The following TTC13 variants were observed in gnomAD, a reference collection of about 807,000 sequenced individuals.
The protein encoded by TTC13 is tetratricopeptide repeat protein 13.
A neutral mutation model predicts 120.0 loss-of-function variants in TTC13; 62 were observed. The ratio of observed to expected loss-of-function variants is 0.52; its 90% CI spans 0.42 to 0.64. The LOEUF (loss-of-function observed/expected upper bound fraction) is 0.64. TTC13 is among the 30% of genes least tolerant of loss of function. The pLI, the probability that TTC13 is intolerant of heterozygous loss-of-function variation, is 0.00. For missense variants in TTC13, 824 were observed against 1,050.2 expected (o/e 0.78, Z 2.98); for synonymous variants, 384 against 393.5 (o/e 0.98, Z 0.28).
chr1:230,966,909 C>T (rs1412026591), intron 1 of TTC13, among the ~76,000 whole-genome samples: 4 of 152,114 alleles, frequency 2.6e-5, no homozygotes, highest in African/African-American at 9.7e-5. Context: ...AGTCTGTGCT[C>T]TTAGCCATGA....
intron 19 of TTC13, among the ~76,000 whole-genome samples, chr1:230,911,827 T>C (rs1393027459): frequency 1.3e-5 from 2 of 152,218 alleles, no homozygotes; most frequent in Non-Finnish European, 2.9e-5. Context: ...TTATTTGAAA[T>C]GTCAAAATAT....
At chr1:230,914,418 A>G (rs2102751584) in intron 18 of TTC13, among the ~76,000 whole-genome samples, 1 of 151,906 alleles carries the variant, frequency 6.6e-6, no homozygotes, top group South Asian at 2.1e-4. Context: ...TCTTTTTGAG[A>G]TGGAGTTCAC....
At chr1:230,976,581 G>A (rs1678331256) in intron 1 of TTC13, among the ~76,000 whole-genome samples, 1 of 152,194 alleles carries the variant, frequency 6.6e-6, no homozygotes, top group Non-Finnish European at 1.5e-5. Flanking sequence ...TTTAGCACCT[G>A]TTGGTAGCTA....
rs1213230679 is a variant in TTC13 at position 230,944,473 on chromosome 1, T to C, written c.580-575A>G. 6.6e-6 allele frequency among the ~76,000 whole-genome samples: 1 copy of C among 152,176 alleles called. No homozygotes were observed. Among genetic ancestry groups the C allele is most frequent in the Non-Finnish European group, 1.5e-5 (1 of 68,032 alleles). ...AAGAGGCAGCTCTGAACTTTACTAC[T>C]GCAACTTCAACCTGGTCATTCATTG... On this transcript the variant is annotated intron_variant, in intron 5 of 22. Coordinates refer to ENST00000366661, the MANE Select transcript of TTC13 (RefSeq NM_024525.5). This position sits in a 1 kb window ranked among gnomAD's most constrained non-coding sequence, Gnocchi z 4.0.
At chr1:230,923,689 C>T (rs139119875) in intron 15 of TTC13, 152 bp downstream of exon 15, 80 of 585,678 alleles carry the variant, frequency 1.4e-4, no homozygotes, top group African/African-American at 1.3e-3. Flanking sequence ...GAAAGGAATG[C>T]AGGCAGGACT....
At position 230,965,228 on chromosome 1, in the gene TTC13, C is replaced by T. The variant is rs576745312; in HGVS notation, c.272-3925G>A. Among the ~76,000 whole-genome samples the T allele has an allele frequency of 8.3e-4, 126 of 152,304 alleles. 1 individual carries two copies. In the Middle Eastern group the frequency reaches 0.01, roughly 12 times the overall value. ...GATAAAATATTTGCAAACTACCCCT[C>T]TGACAAGCGATTAGTAACCAGAATA... On this transcript the variant is annotated intron_variant, in intron 1 of 22. Transcript: ENST00000366661.
intron 19 of TTC13, among the ~76,000 whole-genome samples, chr1:230,911,975 G>T (rs985424087): frequency 3.9e-5 from 6 of 152,188 alleles, no homozygotes; most frequent in African/African-American, 1.4e-4. Context: ...TCAATTATGT[G>T]TATAAACTTA....
rs1328958979 is a variant in TTC13, at chr1:230,954,320, G to T, written c.513+13C>A. On this transcript the variant is annotated intron_variant, in intron 4 of 22. Transcript: ENST00000366661. ...CATAAACTCAAAATTACATAAATAA[G>T]AAGAAAATTTACCTGAAGCATTGTT... is the stretch of plus-strand genomic sequence containing the variant. 1 of 1,602,900 alleles carries T rather than the reference G, an allele frequency of 6.2e-7. No individual in the cohort carries two copies. Among genetic ancestry groups the T allele is most frequent in the South Asian group, 1.1e-5 (1 of 89,858 alleles).
intron 9 of TTC13, among the ~76,000 whole-genome samples, chr1:230,933,531 T>A (rs1365496150): frequency 5.3e-5 from 8 of 152,210 alleles, no homozygotes; most frequent in African/African-American, 1.4e-4. Context: ...CCTTGAAGGA[T>A]GAACGTTTTC....
chr1:230,924,548 G>A (rs545561313), intron 14 of TTC13, among the ~76,000 whole-genome samples: 2 of 152,334 alleles, frequency 1.3e-5, no homozygotes, highest in Admixed American at 6.5e-5. Context: ...TAGCCAGAAT[G>A]GTCTCGATCT....
At chr1:230,911,698 A>G (rs1019043699) in intron 19 of TTC13, 149 bp from the exon 20 acceptor site, 2 of 526,400 alleles carry the variant, frequency 3.8e-6, no homozygotes, top group Admixed American at 4.0e-5. Context: ...ATTCTTGAAT[A>G]TTCTATACCC....
intron 1 of TTC13, among the ~76,000 whole-genome samples, chr1:230,975,732 G>A (rs746919403): frequency 7.9e-5 from 12 of 152,030 alleles, no homozygotes; most frequent in Non-Finnish European, 1.8e-4. Context: ...TATTAAGGGC[G>A]GATCAGGAAA....
intron 8 of TTC13, among the ~76,000 whole-genome samples, chr1:230,935,547 C>T (rs2102856891): frequency 1.3e-5 from 2 of 152,170 alleles, no homozygotes; most frequent in East Asian, 3.9e-4. Context: ...GCACAGATCA[C>T]TCAGAAATGG....
intron 20 of TTC13, 53 bp from the exon 21 acceptor site, chr1:230,909,073 A>G: frequency 2.7e-6 from 4 of 1,464,802 alleles, no homozygotes; most frequent in Non-Finnish European, 3.8e-6. Flanking sequence ...TACAGTTACC[A>G]TGTTAAATTT....
Position 230,943,821 on chromosome 1 carries a change from A to T in TTC13, c.657T>A (p.Phe219Leu), listed in dbSNP as rs1323756723. 1 of 1,608,662 alleles carries T rather than the reference A, an allele frequency of 6.2e-7. No homozygotes were observed. The change falls in exon 6 of 23, where the codon TTT (phenylalanine) becomes TTA (leucine). Residue 219 changes from phenylalanine (F) to leucine (L), a missense_variant. Around this residue, in one of 4 missense-constraint regions of TTC13, gnomAD observed 430 missense variants for 626.8 expected, o/e 0.69. Coordinates refer to ENST00000366661, the MANE Select transcript of TTC13 (RefSeq NM_024525.5). ...CCACACTCACTTCTGCTCGCTGCTCAAATACCTCTGGACGATCTGGTTCCA... is the reference window on the plus strand; with the variant it reads ...CCACACTCACTTCTGCTCGCTGCTCTAATACCTCTGGACGATCTGGTTCCA... ...ITLEPDRPEV[F>L]EQRAEILSPL... is the part of the protein sequence containing the mutation.
At position 230,911,496 on chromosome 1, in the gene TTC13, A is replaced by G; in HGVS notation, c.2283T>C (p.Asn761=). 6.2e-7 allele frequency: 1 copy of G among 1,604,266 alleles called. No homozygotes were observed. Among genetic ancestry groups the G allele is most frequent in the Non-Finnish European group, 8.5e-7 (1 of 1,176,088 alleles). The change falls in exon 20 of 23, where the codon AAT becomes AAC. Residue 761 remains asparagine, a synonymous_variant. Transcript: ENST00000366661. The part of the protein sequence containing the change: ...LILSLVYYFY[N]LMPLSRGSSV... Reference sequence around the variant, plus strand: ...TGGATCCTCGAGAGAGTGGCATTAAATTATAAAAGTAATAAACTAAGGATA... The same window carrying G: ...TGGATCCTCGAGAGAGTGGCATTAAGTTATAAAAGTAATAAACTAAGGATA...
rs576971996 is a variant in TTC13 at position 230,916,247 on chromosome 1, A to T, written c.2039T>A (p.Leu680His). 6.2e-7 allele frequency: 1 copy of T among 1,614,168 alleles called. No homozygotes were observed. Among genetic ancestry groups the T allele is most frequent in the South Asian group, 1.1e-5 (1 of 91,080 alleles). The change falls in exon 18 of 23, where the codon CTT becomes CAT. Residue 680 changes from leucine (L) to histidine (H), a missense_variant. Around this residue, in one of 4 missense-constraint regions of TTC13, gnomAD observed 226 missense variants for 259.1 expected, o/e 0.87. Transcript: ENST00000366661. ...GFTVNTKVPS[L>H]KDQGKEYDGF... ...ATCATATTCCTTCCCTTGGTCTTTA[A>T]GGCTGGGAACTTTTGTGTTCACGGT...
chr1:230,917,605 T>A (rs1391520952), intron 17 of TTC13, among the ~76,000 whole-genome samples: 1 of 152,126 alleles, frequency 6.6e-6, no homozygotes, highest in Non-Finnish European at 1.5e-5. Flanking sequence ...GCTAGATGTA[T>A]AATGCTGAAA....
intron 8 of TTC13, among the ~76,000 whole-genome samples, chr1:230,934,295 A>G (rs1673839994): frequency 6.6e-6 from 1 of 152,208 alleles, no homozygotes; most frequent in South Asian, 2.1e-4. Context: ...CCAAGAGACA[A>G]AAAAGAAAGC....
Sources: allele counts gnomAD v4.1 joint callset (sites outside exome capture counted in the v4.1 genomes callset), GRCh38; gene constraint gnomAD v4.1.1; regional missense constraint gnomAD v4.1.1; non-coding constraint Gnocchi (gnomAD v3.1); transcripts MANE v1.5; gene names NCBI Gene and HGNC (gene_info 2026-07-23, HGNC 2026-07-21).